The following ANKS1B variants were observed in gnomAD, a reference collection of about 807,000 sequenced individuals.
The protein encoded by ANKS1B is ankyrin repeat and sterile alpha motif domain containing 1B, also known as ankyrin repeat and sterile alpha motif domain-containing protein 1B.
ANKS1B carries 36 observed loss-of-function variants against 148.3 expected under a neutral mutation model. That is an observed-to-expected ratio of 0.24 (90% CI 0.19 to 0.32). The LOEUF is 0.32. ANKS1B is among the 10% of genes least tolerant of loss of function. ANKS1B has a pLI of 1.00. For synonymous variants in ANKS1B, 542 were observed against 560.8 expected (o/e 0.97, Z 0.47); for missense variants, 1,157 against 1,542.6 (o/e 0.75, Z 4.19).
intron 12 of ANKS1B, among the ~76,000 whole-genome samples, chr12:99,342,956 A>G (rs928265437): frequency 2.6e-5 from 4 of 151,936 alleles, no homozygotes; most frequent in Middle Eastern, 3.2e-3. Flanking sequence ...CAAGAATACT[A>G]TAATTTATTT....
At chr12:99,442,993 A>G (rs1335409575) in intron 11 of ANKS1B, among the ~76,000 whole-genome samples, 1 of 151,922 alleles carries the variant, frequency 6.6e-6, no homozygotes, top group Non-Finnish European at 1.5e-5. Flanking sequence ...AAACAGCTTT[A>G]TAAGTGCTAT....
chr12:99,887,674 T>C (rs2092900070), intron 1 of ANKS1B, among the ~76,000 whole-genome samples: 1 of 152,236 alleles, frequency 6.6e-6, no homozygotes, highest in Non-Finnish European at 1.5e-5. Flanking sequence ...ATTAAATCTA[T>C]GATACAGTAC....
intron 9 of ANKS1B, among the ~76,000 whole-genome samples, chr12:99,638,231 C>T (rs916143196): frequency 6.6e-5 from 10 of 152,128 alleles, no homozygotes; most frequent in South Asian, 2.1e-4. Flanking sequence ...GGAACAGTTT[C>T]GAGGGCCCAG....
intron 17 of ANKS1B, among the ~76,000 whole-genome samples, chr12:99,015,065 C>G (rs1038135536): frequency 6.6e-6 from 1 of 152,106 alleles, no homozygotes; most frequent in Non-Finnish European, 1.5e-5. Context: ...GACACGTGCA[C>G]GTTGCATGTG....
intron 1 of ANKS1B, among the ~76,000 whole-genome samples, chr12:99,944,252 C>T (rs971440067): frequency 6.6e-6 from 1 of 152,188 alleles, no homozygotes; most frequent in Admixed American, 6.5e-5. Context: ...CTAGGCCCAG[C>T]GAATATCCTT....
chr12:99,712,270 T>C (rs1018732973), intron 8 of ANKS1B, among the ~76,000 whole-genome samples: 6 of 152,178 alleles, frequency 3.9e-5, no homozygotes, highest in African/African-American at 1.4e-4. Context: ...TTGTTTCATG[T>C]GGGGTTTATG....
At chr12:98,967,148 G>C (rs897688053) in intron 17 of ANKS1B, among the ~76,000 whole-genome samples, 1 of 152,132 alleles carries the variant, frequency 6.6e-6, no homozygotes, top group Admixed American at 6.5e-5. Context: ...AGGGTGCTTT[G>C]ACAATCCCAA....
At chr12:99,471,648 GCACA>G (rs3050679) in intron 10 of ANKS1B, among the ~76,000 whole-genome samples, 30 of 149,056 alleles carry the variant, frequency 2.0e-4, no homozygotes, top group South Asian at 6.4e-4. Flanking sequence ...ACATATGCGT[GCACA>G]CACACACACA....
At chr12:98,978,685 T>C (rs2099902507) in intron 17 of ANKS1B, among the ~76,000 whole-genome samples, 1 of 152,186 alleles carries the variant, frequency 6.6e-6, no homozygotes, top group Non-Finnish European at 1.5e-5. Flanking sequence ...CCAATTAATG[T>C]ATAACGTGAT....
At chr12:99,063,894 G>A (rs7974917) in intron 16 of ANKS1B, among the ~76,000 whole-genome samples, 84,661 of 152,058 alleles carry the variant, frequency 0.56, 24,884 homozygotes, top group East Asian at 0.82. Context: ...GTACAAATAC[G>A]TCTGCTACTT....
At chr12:99,807,181 G>C (rs757710762) in intron 3 of ANKS1B, among the ~76,000 whole-genome samples, 5 of 152,190 alleles carry the variant, frequency 3.3e-5, no homozygotes, top group Non-Finnish European at 7.3e-5. Context: ...TATTTTCCAT[G>C]TAAGTACAAA....
chr12:99,403,152 C>CTTTTTTTTTTT (rs143800860), intron 11 of ANKS1B, among the ~76,000 whole-genome samples: 13 of 73,156 alleles, frequency 1.8e-4, no homozygotes, highest in Admixed American at 2.8e-4. Flanking sequence ...ACTTTTCTTT[C>CTTTTTTTTTTT]TTTTTTTTTT....
chr12:99,538,986 A>G (rs992174682), intron 9 of ANKS1B, among the ~76,000 whole-genome samples: 4 of 152,176 alleles, frequency 2.6e-5, no homozygotes, highest in Admixed American at 1.3e-4. Context: ...TTCAGCATCA[A>G]TCGAAATGGT....
At chr12:99,075,979 T>C (rs2047747459) in intron 16 of ANKS1B, among the ~76,000 whole-genome samples, 1 of 151,494 alleles carries the variant, frequency 6.6e-6, no homozygotes, top group African/African-American at 2.4e-5. Context: ...TTCAAAGGTA[T>C]CTCTATATAA....
intron 9 of ANKS1B, among the ~76,000 whole-genome samples, chr12:99,578,952 T>G (rs2097543997): frequency 6.6e-6 from 1 of 152,120 alleles, no homozygotes; most frequent in African/African-American, 2.4e-5. Context: ...TAAACTATAC[T>G]ACAAGTCTAG....
chr12:98,861,237 AAT>A (rs1225988385), intron 17 of ANKS1B, among the ~76,000 whole-genome samples: 2 of 152,188 alleles, frequency 1.3e-5, no homozygotes, highest in Non-Finnish European at 2.9e-5. Flanking sequence ...AAACTCTGTT[AAT>A]ATAGATGGAT....
intron 11 of ANKS1B, among the ~76,000 whole-genome samples, chr12:99,438,562 T>C (rs2095498517): frequency 6.6e-6 from 1 of 151,936 alleles, no homozygotes. Context: ...GCTCAAATCA[T>C]TAGTCATCTT....
intron 18 of ANKS1B, among the ~76,000 whole-genome samples, chr12:98,830,218 C>G (rs2099290688): frequency 6.6e-6 from 1 of 152,124 alleles, no homozygotes. Flanking sequence ...ATCTTTCTCT[C>G]CTTCCATGTA....
chr12:99,453,019 A>ATGTG (rs1567128875), intron 10 of ANKS1B, among the ~76,000 whole-genome samples: 2 of 152,048 alleles, frequency 1.3e-5, no homozygotes, highest in Non-Finnish European at 2.9e-5. Flanking sequence ...GGCCGGGCAC[A>ATGTG]GTGGCTCACG....
Sources: gnomAD v4.1 joint callset for allele counts (sites outside exome capture counted in the v4.1 genomes callset) on GRCh38, gnomAD v4.1.1 for gene constraint, MANE v1.5 for transcripts, NCBI Gene and HGNC (gene_info 2026-07-23, HGNC 2026-07-21) for gene names.